DHX40: variants seen among roughly 807,000 people sequenced by gnomAD.
DHX40 encodes probable ATP-dependent RNA helicase DHX40.
Under a neutral mutation model 89.6 loss-of-function variants are expected in DHX40, and 28 were observed. That is an observed-to-expected ratio of 0.31 (90% CI 0.23 to 0.43). The LOEUF is 0.43. Among genes scored for constraint, DHX40 ranks in the 20% least tolerant of loss-of-function variants. The probability of loss-of-function intolerance (pLI) is 1.00; values close to 1 mark genes in which losing one functional copy is unlikely to be tolerated. For synonymous variants in DHX40, 226 were observed against 283.6 expected (o/e 0.80, Z 2.04); for missense variants, 457 against 844.0 (o/e 0.54, Z 5.68).
In DHX40 at chr17:59,607,391, T is replaced by C; in HGVS notation, c.*219T>C. The C allele has an allele frequency of 1.2e-6, 1 of 825,866 alleles. No individual in the cohort carries two copies. The highest frequency in any genetic ancestry group is 1.9e-6 in the Non-Finnish European group (1 of 521,374). The allele number at this position is 825,866 out of a possible 1,614,324, so 51.2% of individuals were successfully genotyped here. A position where few individuals can be genotyped will look rare whatever the true frequency, so the allele number is the denominator to read the frequency against. ...TGGTTGCCATAGTCATAAGCAATGATACATGAAACCAATGAAAGACAGTAC... is the reference window on the plus strand; with the variant it reads ...TGGTTGCCATAGTCATAAGCAATGACACATGAAACCAATGAAAGACAGTAC... On this transcript the variant is annotated 3_prime_UTR_variant, in exon 18 of 18. Coordinates refer to ENST00000251241, the MANE Select transcript of DHX40 (RefSeq NM_024612.5).
At chr17:59,606,578 C>T (rs972387123) in intron 17 of DHX40, among the ~76,000 whole-genome samples, 4 of 151,990 alleles carry the variant, frequency 2.6e-5, no homozygotes, top group African/African-American at 4.8e-5. Context: ...AACCCCGTCT[C>T]TACTAAATAT....
intron 11 of DHX40, among the ~76,000 whole-genome samples, chr17:59,586,951 C>T (rs1008619997): frequency 1.3e-5 from 2 of 151,896 alleles, no homozygotes; most frequent in African/African-American, 4.8e-5. Context: ...CCCAGTTGTT[C>T]GAGACAAGCC....
chr17:59,587,765 CTTAAA>C (rs1236662909), intron 11 of DHX40, 126 bp from the exon 12 acceptor site: 4 of 1,238,854 alleles, frequency 3.2e-6, no homozygotes, highest in South Asian at 3.0e-5. Context: ...GCCTAATTTT[CTTAAA>C]TTGAATTGAA....
At chr17:59,606,597 C>A (rs2030866582) in intron 17 of DHX40, among the ~76,000 whole-genome samples, 1 of 151,850 alleles carries the variant, frequency 6.6e-6, no homozygotes, top group Non-Finnish European at 1.5e-5. Context: ...ATACAAAAAA[C>A]TAGCTGGGTG....
intron 11 of DHX40, among the ~76,000 whole-genome samples, chr17:59,587,085 G>C (rs2143285745): frequency 6.6e-6 from 1 of 151,634 alleles, no homozygotes; most frequent in Non-Finnish European, 1.5e-5. Context: ...CTTCGGAGGT[G>C]AGGGGTGCAG....
chr17:59,591,141 T>G lies in DHX40; in HGVS notation c.1582+3088T>G, dbSNP rs1177144458. On this transcript the variant is annotated intron_variant, in intron 12 of 17. Coordinates refer to ENST00000251241, the MANE Select transcript of DHX40 (RefSeq NM_024612.5). Reference sequence around the variant, plus strand: ...CTGGCCGACATGGTGAAACCCTGTCTCTACTAAAAATATAAAAATTAGCCA... The same window carrying G: ...CTGGCCGACATGGTGAAACCCTGTCGCTACTAAAAATATAAAAATTAGCCA... Among the ~76,000 whole-genome samples, 4 of 151,738 alleles carry G rather than the reference T, an allele frequency of 2.6e-5. No individual in the cohort carries two copies. The East Asian group carries it at 7.7e-4, about 29-fold the overall frequency.
At chr17:59,603,848 A>G (rs995127342) in intron 15 of DHX40, 7 of 152,210 alleles carry the variant, frequency 4.6e-5, no homozygotes, top group African/African-American at 7.2e-5. Context: ...AGAAAAACAC[A>G]GCATTATGTC....
intron 3 of DHX40, among the ~76,000 whole-genome samples, chr17:59,571,634 G>A (rs1312289387): frequency 1.3e-5 from 2 of 148,430 alleles, no homozygotes; most frequent in Middle Eastern, 3.3e-3. Context: ...ACCATTGCCC[G>A]GGCTGGAGTG....
Position 59,574,265 on chromosome 17 carries a change from A to G in DHX40, c.841+11A>G. ...TGGTTTTTCTGACTGGTGAGCATTC[A>G]GTATCAAGTTAAAAAACTTAAGTAT... On this transcript the variant is annotated intron_variant, in intron 6 of 17. Coordinates refer to ENST00000251241, the MANE Select transcript of DHX40 (RefSeq NM_024612.5). 1 of 464,584 alleles carries G rather than the reference A, an allele frequency of 2.2e-6. No homozygotes were observed. The allele number at this position is 464,584 out of a possible 1,614,324, so 28.8% of individuals were successfully genotyped here. A position where few individuals can be genotyped will look rare whatever the true frequency, so the allele number is the denominator to read the frequency against.
rs2048842743 is a variant in DHX40, at chr17:59,573,722, A to T, written c.547-18A>T. The T allele has an allele frequency of 1.2e-5, 19 of 1,613,324 alleles. No individual in the cohort carries two copies. The highest frequency in any genetic ancestry group is 1.5e-5 in the Non-Finnish European group (18 of 1,179,596). ...TTAAGTGTACTTGTGACTTACTAGA[A>T]ATTTACTTTTCTTTCAGGATATCTT... On this transcript the variant is annotated intron_variant, in intron 4 of 17. Transcript: ENST00000251241.
intron 2 of DHX40, among the ~76,000 whole-genome samples, chr17:59,569,531 A>G (rs2143197730): frequency 6.7e-6 from 1 of 149,336 alleles, no homozygotes; most frequent in Non-Finnish European, 1.5e-5. Context: ...ATTTTTTACA[A>G]AAAAATTAGC....
chr17:59,591,878 G>A (rs1265923684), intron 12 of DHX40, among the ~76,000 whole-genome samples: 1 of 151,710 alleles, frequency 6.6e-6, no homozygotes, highest in Non-Finnish European at 1.5e-5. Context: ...AAATTGTTTT[G>A]TTTTGTTTGA....
chr17:59,607,291 T>A lies in DHX40; in HGVS notation c.*119T>A, dbSNP rs1186479301. 3 of 1,590,874 alleles carry A rather than the reference T, an allele frequency of 1.9e-6. No homozygotes were observed. The highest frequency in any genetic ancestry group is 2.6e-6 in the Non-Finnish European group (3 of 1,164,842). On this transcript the variant is annotated 3_prime_UTR_variant, in exon 18 of 18. Transcript: ENST00000251241. ...GTGGTCAGCACTTGTTATTGGCCTA[T>A]GAACTAAAAGCAAATCAAAGCTCAT...
chr17:59,595,232 T>A (rs2029955383), intron 12 of DHX40, among the ~76,000 whole-genome samples: 1 of 151,646 alleles, frequency 6.6e-6, no homozygotes, highest in Admixed American at 6.6e-5. Context: ...TACAGGCATG[T>A]GCCACCATGC....
chr17:59,587,746 C>T lies in DHX40; in HGVS notation c.1425-150C>T, dbSNP rs565211776. The T allele has an allele frequency of 1.1e-3, 886 of 778,396 alleles. 11 individuals carry two copies. In the African/African-American group the frequency reaches 0.015, roughly 13 times the overall value. 48.2% of individuals were successfully genotyped at this position (778,396 alleles called of 1,614,324 possible). On this transcript the variant is annotated intron_variant, in intron 11 of 17. Coordinates refer to ENST00000251241, the MANE Select transcript of DHX40 (RefSeq NM_024612.5). ...GTGCTAGGATTACAGGCATGAGCCA[C>T]CACGCCTGGCCTAATTTTCTTAAAT...
chr17:59,572,707 G>A (rs1231975038), intron 3 of DHX40, among the ~76,000 whole-genome samples: 1 of 152,150 alleles, frequency 6.6e-6, no homozygotes, highest in Non-Finnish European at 1.5e-5. Context: ...ATAGAGAAGA[G>A]GAGAGAGTGG....
At chr17:59,602,809 A>C (rs1390978063) in intron 15 of DHX40, among the ~76,000 whole-genome samples, 193 bp downstream of exon 15, 1 of 152,178 alleles carries the variant, frequency 6.6e-6, no homozygotes, top group African/African-American at 2.4e-5. Flanking sequence ...TTAGAGCTCA[A>C]GTAGGGTAGG....
chr17:59,598,583 A>T (rs894808460), intron 12 of DHX40, among the ~76,000 whole-genome samples, 154 bp from the exon 13 acceptor site: 10 of 151,954 alleles, frequency 6.6e-5, no homozygotes, highest in African/African-American at 2.2e-4. Flanking sequence ...TTGTGGGAGA[A>T]ATAGAGCTTC....
At chr17:59,606,975 A>G in intron 17 of DHX40, 58 bp from the exon 18 acceptor site, 1 of 1,447,112 alleles carries the variant, frequency 6.9e-7, no homozygotes, top group South Asian at 1.3e-5. Flanking sequence ...TTCTCTTAAC[A>G]TTTCTAGTAC....
Sources: allele counts gnomAD v4.1 joint callset (sites outside exome capture counted in the v4.1 genomes callset), GRCh38; gene constraint gnomAD v4.1.1; transcripts MANE v1.5; gene names NCBI Gene and HGNC (gene_info 2026-07-23, HGNC 2026-07-21).